Variants in MSH3 observed in about 807,000 individuals in gnomAD.
MSH3 encodes the protein mutS homolog 3, also known as DNA mismatch repair protein Msh3.
A neutral mutation model predicts 123.3 loss-of-function variants in MSH3; 106 were observed. The ratio of observed to expected loss-of-function variants is 0.86; its 90% CI spans 0.73 to 1.01. The LOEUF (loss-of-function observed/expected upper bound fraction) is 1.01. MSH3 is among the 50% of genes least tolerant of loss of function. The pLI, the probability that MSH3 is intolerant of heterozygous loss-of-function variation, is 0.00. For synonymous variants in MSH3, 515 were observed against 481.4 expected (o/e 1.07, Z -0.91); for missense variants, 1,459 against 1,347.6 (o/e 1.08, Z -1.29).
chr5:80,766,391 G>T (rs1169533235), intron 13 of MSH3, among the ~76,000 whole-genome samples: 1 of 138,100 alleles, frequency 7.2e-6, no homozygotes, highest in Non-Finnish European at 1.5e-5. Flanking sequence ...TGTTGCCCAG[G>T]CAGGAGTGCA....
intron 21 of MSH3, among the ~76,000 whole-genome samples, chr5:80,860,931 A>G (rs2112114046): frequency 6.6e-6 from 1 of 152,242 alleles, no homozygotes; most frequent in East Asian, 1.9e-4. Flanking sequence ...TTCTTCCCTC[A>G]GCTGTGTCCA....
At chr5:80,705,832 T>C (rs1230866795) in intron 8 of MSH3, among the ~76,000 whole-genome samples, 1 of 152,154 alleles carries the variant, frequency 6.6e-6, no homozygotes, top group East Asian at 1.9e-4. Flanking sequence ...TGGACACCGG[T>C]CATATTGGAT....
chr5:80,874,248 G>A (rs1746269779), intron 23 of MSH3, among the ~76,000 whole-genome samples: 1 of 152,136 alleles, frequency 6.6e-6, no homozygotes, highest in South Asian at 2.1e-4. Context: ...GTTTACCAAA[G>A]TACAGTAGTG....
In MSH3 at chr5:80,875,912, T is replaced by C. The variant is rs764617904; in HGVS notation, c.*50T>C. The stretch of plus-strand genomic sequence containing the variant: ...AAAATGGAGAATTAAAAATACCAAC[T>C]GTACAAAATAACTCTCCAGTAACAG... On this transcript the variant is annotated 3_prime_UTR_variant, in exon 24 of 24. Transcript: ENST00000265081. 2.6e-6 allele frequency: 3 copies of C among 1,138,618 alleles called. No individual in the cohort carries two copies. Among genetic ancestry groups the C allele is most frequent in the East Asian group, 2.5e-5 (1 of 40,806 alleles). 70.5% of individuals were successfully genotyped at this position (1,138,618 alleles called of 1,614,324 possible).
At chr5:80,871,069 G>T (rs113201990) in intron 22 of MSH3, among the ~76,000 whole-genome samples, 77 of 152,116 alleles carry the variant, frequency 5.1e-4, no homozygotes, top group African/African-American at 1.8e-3. Context: ...TTAAGTTCAT[G>T]TGTATGTATA....
intron 16 of MSH3, among the ~76,000 whole-genome samples, chr5:80,776,330 A>G (rs552498873): frequency 1.3e-5 from 2 of 152,314 alleles, no homozygotes; most frequent in Non-Finnish European, 2.9e-5. Flanking sequence ...TTTATAGCAC[A>G]GGGTACACAT....
Position 80,819,460 on chromosome 5 carries a change from GTGTGTGTA to G in MSH3, c.2813+5721_2813+5728del, listed in dbSNP as rs1203107071. Among the ~76,000 whole-genome samples, 5 of 146,396 alleles carry G rather than the reference GTGTGTGTA, an allele frequency of 3.4e-5. No homozygotes were observed. The South Asian group carries it at 1.1e-3, about 31-fold the overall frequency. ...TATATATGTATATGTGTGTGTGTGTGTGTGTGTATATATATATATAATTTTTTTTTTTT... is the reference window on the plus strand; with the variant it reads ...TATATATGTATATGTGTGTGTGTGTGTATATATATATAATTTTTTTTTTTT... On this transcript the variant is annotated intron_variant, in intron 20 of 23. Coordinates refer to ENST00000265081, the MANE Select transcript of MSH3 (RefSeq NM_002439.5).
chr5:80,700,981 C>T (rs1445746664), intron 8 of MSH3, among the ~76,000 whole-genome samples: 2 of 152,070 alleles, frequency 1.3e-5, no homozygotes, highest in African/African-American at 4.8e-5. Context: ...TGTAAATACA[C>T]CTGTTCATTT....
Position 80,792,691 on chromosome 5 carries a change from A to G in MSH3, c.2544-42A>G, listed in dbSNP as rs774773970. 9.6e-6 allele frequency: 12 copies of G among 1,248,876 alleles called. No homozygotes were observed. In the East Asian group the frequency reaches 2.6e-4, roughly 27 times the overall value. The allele number at this position is 1,248,876 out of a possible 1,614,324, so 77.4% of individuals were successfully genotyped here. A position where few individuals can be genotyped will look rare whatever the true frequency, so the allele number is the denominator to read the frequency against. On this transcript the variant is annotated intron_variant, in intron 18 of 23. Coordinates refer to ENST00000265081, the MANE Select transcript of MSH3 (RefSeq NM_002439.5). ...ATCTTAGAGTTTTTTTTTTAAGGCT[A>G]TTTCCATGCCTAGTAAATTGAAACA... is the stretch of plus-strand genomic sequence containing the variant.
chr5:80,815,477 C>G (rs551396639), intron 20 of MSH3, among the ~76,000 whole-genome samples: 1 of 151,962 alleles, frequency 6.6e-6, no homozygotes, highest in African/African-American at 2.4e-5. Flanking sequence ...TTTGTAGATA[C>G]AAGTAAAATA....
At chr5:80,805,999 A>G (rs963213235) in intron 19 of MSH3, among the ~76,000 whole-genome samples, 10 of 152,198 alleles carry the variant, frequency 6.6e-5, no homozygotes, top group Admixed American at 6.5e-4. Context: ...AAATTATTTC[A>G]ATCCCTGAGG....
chr5:80,757,932 G>C (rs142897207), intron 12 of MSH3, among the ~76,000 whole-genome samples: 1 of 151,956 alleles, frequency 6.6e-6, no homozygotes, highest in Non-Finnish European at 1.5e-5. Context: ...TCTGATCTTC[G>C]TACAGGAGTT....
chr5:80,748,164 A>G (rs1743755544), intron 12 of MSH3, among the ~76,000 whole-genome samples: 2 of 152,160 alleles, frequency 1.3e-5, no homozygotes, highest in African/African-American at 2.4e-5. Flanking sequence ...GCAAGATCCC[A>G]TTGTTTGTCA....
At chr5:80,759,001 A>G (rs760857004) in intron 12 of MSH3, among the ~76,000 whole-genome samples, 1 of 152,230 alleles carries the variant, frequency 6.6e-6, no homozygotes. Flanking sequence ...CATTTTGGGT[A>G]AATGTTAGAG....
intron 2 of MSH3, among the ~76,000 whole-genome samples, chr5:80,658,312 G>C (rs920481927): frequency 6.6e-6 from 1 of 152,156 alleles, no homozygotes; most frequent in Non-Finnish European, 1.5e-5. Context: ...GCCCGCCTTG[G>C]CCTCCCAAAG....
Position 80,679,073 on chromosome 5 carries a change from C to G in MSH3, c.1320C>G (p.Ile440Met), listed in dbSNP as rs61749609. ...SALSEQTEAL[I>M]HRATSVSVQD... ...TGTCCGAGCAAACAGAGGCGCTCAT[C>G]CACAGAGCCACATCTGTTAGGTAAG... Residue 440 changes from isoleucine to methionine, a missense_variant, in exon 8 of 24, where the codon ATC (isoleucine) becomes ATG (methionine). Transcript: ENST00000265081. 49 of 1,613,870 alleles carry G rather than the reference C, an allele frequency of 3.0e-5. No homozygotes were observed. Among genetic ancestry groups the G allele is most frequent in the Non-Finnish European group, 4.0e-5 (47 of 1,179,982 alleles).
At chr5:80,830,301 G>T (rs530726904) in intron 20 of MSH3, among the ~76,000 whole-genome samples, 2 of 152,106 alleles carry the variant, frequency 1.3e-5, no homozygotes, top group South Asian at 4.1e-4. Flanking sequence ...TTTCTGGTTT[G>T]CCCTTGAACT....
At chr5:80,849,545 T>G (rs1745793141) in intron 20 of MSH3, among the ~76,000 whole-genome samples, 1 of 152,180 alleles carries the variant, frequency 6.6e-6, no homozygotes, top group Non-Finnish European at 1.5e-5. Context: ...AGTTCTTGAC[T>G]TTTGTGTACC....
chr5:80,830,520 AT>A lies in MSH3; in HGVS notation c.2813+16783del, dbSNP rs1197026010. Among the ~76,000 whole-genome samples the A allele has an allele frequency of 1.1e-4, 17 of 152,316 alleles. No individual in the cohort carries two copies. In the East Asian group the frequency reaches 2.7e-3, roughly 24 times the overall value. ...TTCATCTTATTGATTTATCTGATTA[AT>A]TTTATCCATGATGACAGATTAATCT... On this transcript the variant is annotated intron_variant, in intron 20 of 23. Coordinates refer to ENST00000265081, the MANE Select transcript of MSH3 (RefSeq NM_002439.5).
Sources: allele counts gnomAD v4.1 joint callset (sites outside exome capture counted in the v4.1 genomes callset), GRCh38; gene constraint gnomAD v4.1.1; transcripts MANE v1.5; gene names NCBI Gene and HGNC (gene_info 2026-07-23, HGNC 2026-07-21).